Variants in TCFL5 observed in about 807,000 individuals in gnomAD.
TCFL5 encodes the protein transcription factor-like 5 protein.
TCFL5 carries 9 observed loss-of-function variants against 44.3 expected under a neutral mutation model. That is an observed-to-expected ratio of 0.20 (90% CI 0.12 to 0.35). The LOEUF is 0.35. TCFL5 is among the 10% of genes least tolerant of loss of function. The pLI, the probability that TCFL5 is intolerant of heterozygous loss-of-function variation, is 1.00. For synonymous variants in TCFL5, 319 were observed against 271.6 expected (o/e 1.17, Z -1.72); for missense variants, 603 against 613.4 (o/e 0.98, Z 0.18).
In TCFL5 at chr20:62,860,113, CAT is replaced by C; in HGVS notation, c.831+10_831+11del. ...TACAAAAGAGCAAAGCTTCACAAAT[CAT>C]GTTCCCTACCTGTGTCTGTGAAAGA... On this transcript the variant is annotated intron_variant, in intron 2 of 5. Coordinates refer to ENST00000335351, the MANE Select transcript of TCFL5 (RefSeq NM_006602.4). The C allele has an allele frequency of 6.3e-7, 1 of 1,594,868 alleles. No homozygotes were observed.
chr20:62,851,552 T>C lies in TCFL5; in HGVS notation c.1380+2464A>G, dbSNP rs188085593. ...ATCAACAGTCTACCTCTAACAATAA[T>C]CTTCAAGAGTAACTGCATTGTAAAT... On this transcript the variant is annotated intron_variant, in intron 5 of 5. Transcript: ENST00000335351. 2.6e-5 allele frequency: 26 copies of C among 985,300 alleles called. No individual in the cohort carries two copies. In the African/African-American group the frequency reaches 4.5e-4, roughly 17 times the overall value. The allele number at this position is 985,300 out of a possible 1,614,324, so 61.0% of individuals were successfully genotyped here. A position where few individuals can be genotyped will look rare whatever the true frequency, so the allele number is the denominator to read the frequency against.
intron 3 of TCFL5, among the ~76,000 whole-genome samples, chr20:62,858,076 G>GA (rs201153122): frequency 1.3e-3 from 190 of 150,100 alleles, no homozygotes; most frequent in African/African-American, 3.7e-3. Flanking sequence ...CTAAGAACAA[G>GA]AAAAAAAAAC....
chr20:62,857,246 C>T, intron 4 of TCFL5, 149 bp downstream of exon 4: 1 of 1,151,172 alleles, frequency 8.7e-7, no homozygotes, highest in Non-Finnish European at 1.2e-6. Context: ...TCTGGGGGAT[C>T]CTTGATCCAT....
At chr20:62,846,650 T>A (rs1449701811) in intron 5 of TCFL5, among the ~76,000 whole-genome samples, 1 of 151,482 alleles carries the variant, frequency 6.6e-6, no homozygotes, top group Non-Finnish European at 1.5e-5. Context: ...CCTACGGTCC[T>A]AGCTACTCGG....
At chr20:62,845,333 G>C (rs2063727102) in intron 5 of TCFL5, 1 of 1,029,710 alleles carries the variant, frequency 9.7e-7, no homozygotes, top group Non-Finnish European at 1.2e-6. Context: ...GTATTGGCCA[G>C]GCTGGTCTCG....
chr20:62,843,724 C>T (rs2063705005), intron 5 of TCFL5, among the ~76,000 whole-genome samples: 2 of 152,174 alleles, frequency 1.3e-5, no homozygotes, highest in South Asian at 2.1e-4. Flanking sequence ...ACAGAAACTC[C>T]GTACCCATTA....
chr20:62,852,176 C>G (rs1450659224), intron 5 of TCFL5: 1 of 985,370 alleles, frequency 1.0e-6, no homozygotes, highest in East Asian at 1.1e-4. Context: ...AGACTCCTGC[C>G]TGGGTCAACA....
chr20:62,848,071 C>A (rs1600833610), intron 5 of TCFL5, among the ~76,000 whole-genome samples: 1 of 152,198 alleles, frequency 6.6e-6, no homozygotes, highest in East Asian at 1.9e-4. Context: ...GAAGTCACAG[C>A]GTGTCCGCAG....
At chr20:62,843,161 G>C (rs186019328) in intron 5 of TCFL5, among the ~76,000 whole-genome samples, 33 of 152,346 alleles carry the variant, frequency 2.2e-4, no homozygotes, top group African/African-American at 7.0e-4. Context: ...AAGAAAGGAA[G>C]GGGGAACTAT....
intron 5 of TCFL5, chr20:62,852,394 G>T: frequency 1.0e-6 from 1 of 983,948 alleles, no homozygotes. Flanking sequence ...CAGAACCCTG[G>T]AACTGGGGTC....
intron 5 of TCFL5, among the ~76,000 whole-genome samples, chr20:62,848,494 A>C (rs2147256065): frequency 1.3e-5 from 2 of 152,338 alleles, no homozygotes; most frequent in East Asian, 3.9e-4. Flanking sequence ...TAATGCCAGC[A>C]CTTTCAGAGG....
intron 4 of TCFL5, among the ~76,000 whole-genome samples, chr20:62,856,705 CAAAAAAAAAAA>C (rs11470406): frequency 6.0e-5 from 6 of 100,264 alleles, no homozygotes; most frequent in Admixed American, 1.2e-4. Context: ...GACTCCGTCT[CAAAAAAAAAAA>C]AAAAAAAAAA....
Position 62,860,808 on chromosome 20 carries a change from G to A in TCFL5, c.647+216C>T, listed in dbSNP as rs200962111. 3.3e-5 allele frequency among the ~76,000 whole-genome samples: 5 copies of A among 152,320 alleles called. No homozygotes were observed. The East Asian group carries it at 9.6e-4, about 29-fold the overall frequency. On this transcript the variant is annotated intron_variant, in intron 1 of 5. Transcript: ENST00000335351. Reference sequence around the variant, plus strand: ...TCCAGGCGGGGCCACTGAGGGAGGGGGTGTTTAGTTTCTGGAAGTACCTGC... The same window carrying A: ...TCCAGGCGGGGCCACTGAGGGAGGGAGTGTTTAGTTTCTGGAAGTACCTGC...
chr20:62,853,985 A>G (rs1177533876), intron 5 of TCFL5, 31 bp downstream of exon 5: 2 of 1,606,382 alleles, frequency 1.2e-6, no homozygotes, highest in Non-Finnish European at 8.5e-7. Context: ...AATTTGTAAA[A>G]TTCTGAAAAT....
In TCFL5 at chr20:62,861,041, CGGCTCGGGG is replaced by C. The variant is rs1354333904; in HGVS notation, c.621_629del (p.Pro208_Pro210del). 1.1e-5 allele frequency: 11 copies of C among 994,646 alleles called. No individual in the cohort carries two copies. In the South Asian group the frequency reaches 3.6e-4, roughly 33 times the overall value. The allele number at this position is 994,646 out of a possible 1,614,324, so 61.6% of individuals were successfully genotyped here. A position where few individuals can be genotyped will look rare whatever the true frequency, so the allele number is the denominator to read the frequency against. On this transcript the variant is annotated inframe_deletion, in exon 1 of 6. Coordinates refer to ENST00000335351, the MANE Select transcript of TCFL5 (RefSeq NM_006602.4). The surrounding 1 kb of genome is among the most constrained non-coding windows in gnomAD (Gnocchi z 4.0). ...GCACGCACTTGTTGAGCGCCCCGCC[CGGCTCGGGG>C]GGCTCGGGGCCGCGCGGCGCGGGCG... is the stretch of plus-strand genomic sequence containing the variant.
intron 5 of TCFL5, among the ~76,000 whole-genome samples, chr20:62,846,792 AAG>A (rs1370488935): frequency 6.6e-6 from 1 of 152,008 alleles, no homozygotes; most frequent in African/African-American, 2.4e-5. Context: ...GAGAAAGAAA[AAG>A]AAAAATAATA....
chr20:62,860,270 T>G lies in TCFL5; in HGVS notation c.686A>C (p.Asn229Thr), dbSNP rs768512392. The change falls in exon 2 of 6, where the codon AAT becomes ACT. Residue 229 changes from asparagine to threonine, a missense_variant. Physicochemically the swap from Asn to Thr is moderately conservative, Grantham distance 65 (BLOSUM62 0). Transcript: ENST00000335351. Reference protein sequence around the residue: ...TLIRHPSELMNVPLQQQNKCT... With the variant: ...TLIRHPSELMTVPLQQQNKCT... The stretch of plus-strand genomic sequence containing the variant: ...TTTGTTTTGTTGCTGAAGAGGAACA[T>G]TCATTAGTTCAGATGGATGTCGAAT... 2.5e-6 allele frequency: 4 copies of G among 1,613,072 alleles called. No individual in the cohort carries two copies. The highest frequency in any genetic ancestry group is 1.3e-5 in the African/African-American group (1 of 74,912).
intron 5 of TCFL5, chr20:62,845,360 T>G: frequency 8.8e-7 from 1 of 1,130,358 alleles, no homozygotes; most frequent in East Asian, 6.4e-5. Flanking sequence ...TGACCTCAGG[T>G]AATCTGCCCA....
intron 5 of TCFL5, chr20:62,845,122 A>AG (rs1392284760): frequency 2.0e-6 from 2 of 977,768 alleles, no homozygotes; most frequent in African/African-American, 4.0e-5. Flanking sequence ...TTTTCTTCCC[A>AG]ATTTTTTTTT....
Sources: gnomAD v4.1 joint callset for allele counts (sites outside exome capture counted in the v4.1 genomes callset) on GRCh38, gnomAD v4.1.1 for gene constraint, Gnocchi (gnomAD v3.1) non-coding constraint, MANE v1.5 for transcripts, NCBI Gene and HGNC (gene_info 2026-07-23, HGNC 2026-07-21) for gene names.